Variants in WRN observed in about 807,000 individuals in gnomAD.
The protein encoded by WRN is WRN RecQ like helicase, also known as bifunctional 3'-5' exonuclease/ATP-dependent helicase WRN.
Under a neutral mutation model 180.7 loss-of-function variants are expected in WRN, and 149 were observed. The observed-to-expected ratio is 0.82, with a 90% CI of 0.72 to 0.94. The LOEUF (loss-of-function observed/expected upper bound fraction) is 0.94, where lower values mean the gene tolerates loss of function less well. Among genes scored for constraint, WRN ranks in the 40% least tolerant of loss-of-function variants. WRN has a pLI of 0.00. For missense variants in WRN, 1,661 were observed against 1,700.1 expected, an observed-to-expected ratio of 0.98 and a Z score of 0.40; for synonymous variants, 548 against 568.9, an observed-to-expected ratio of 0.96 and a Z score of 0.52.
chr8:31,156,961 C>T (rs1272119227), intron 32 of WRN, among the ~76,000 whole-genome samples: 1 of 152,158 alleles, frequency 6.6e-6, no homozygotes, highest in Non-Finnish European at 1.5e-5. Flanking sequence ...CTTGGAAATT[C>T]ATGTAACCAA....
At chr8:31,067,221 T>C in intron 6 of WRN, 39 bp downstream of exon 6, 1 of 1,609,158 alleles carries the variant, frequency 6.2e-7, no homozygotes, top group Non-Finnish European at 8.5e-7. Flanking sequence ...TGATGTGTTT[T>C]AAAAACATTA....
At chr8:31,070,206 T>C (rs1384530382) in intron 7 of WRN, among the ~76,000 whole-genome samples, 2 of 151,748 alleles carry the variant, frequency 1.3e-5, no homozygotes, top group Admixed American at 1.3e-4. Flanking sequence ...AAGATTACCA[T>C]CTTTTTTTCC....
Position 31,155,431 on chromosome 8 carries a change from G to A in WRN, c.3819+676G>A, listed in dbSNP as rs1585534206. Among the ~76,000 whole-genome samples, 3 of 152,042 alleles carry A rather than the reference G, an allele frequency of 2.0e-5. No homozygotes were observed. In the South Asian group the frequency reaches 6.2e-4, roughly 32 times the overall value. ...TGAGGCCAGGGATTTGAGACCAGTTGGACAACATAGGGAGACCCTGTCTTT... is the reference window on the plus strand; with the variant it reads ...TGAGGCCAGGGATTTGAGACCAGTTAGACAACATAGGGAGACCCTGTCTTT... On this transcript the variant is annotated intron_variant, in intron 32 of 34. Coordinates refer to ENST00000298139, the MANE Select transcript of WRN (RefSeq NM_000553.6).
chr8:31,102,030 A>C (rs1284282509), intron 18 of WRN, among the ~76,000 whole-genome samples: 1 of 152,096 alleles, frequency 6.6e-6, no homozygotes, highest in Non-Finnish European at 1.5e-5. Flanking sequence ...AAAACTAGGA[A>C]TATGACATTT....
intron 19 of WRN, among the ~76,000 whole-genome samples, chr8:31,114,576 A>G (rs1801440194): frequency 6.6e-6 from 1 of 152,204 alleles, no homozygotes. Flanking sequence ...TTGCATATAA[A>G]TTGAAAAGGA....
chr8:31,112,114 G>A lies in WRN; in HGVS notation c.2273+315G>A, dbSNP rs11574292. Among the ~76,000 whole-genome samples, 23 of 151,908 alleles carry A rather than the reference G, an allele frequency of 1.5e-4. No individual in the cohort carries two copies. In the East Asian group the frequency reaches 2.1e-3, roughly 14 times the overall value. ...TTTATAGAGACAGGGTCTCTCTGTC[G>A]TCCAGGCTGGAGTGCAGTGGTGTGA... On this transcript the variant is annotated intron_variant, in intron 19 of 34. Transcript: ENST00000298139.
In WRN at chr8:31,067,130, G is replaced by GT; in HGVS notation, c.603dup (p.Lys202Ter). On this transcript the variant is annotated frameshift_variant, in exon 6 of 35. Transcript: ENST00000298139. LOFTEE classifies it high-confidence loss of function. Reference sequence around the variant, plus strand: ...AAGTCTATCCGCTGTAGCAATTGGAGTAAATTTCCTCTCACTGAGGACCAG... The same window carrying GT: ...AAGTCTATCCGCTGTAGCAATTGGAGTTAAATTTCCTCTCACTGAGGACCAG... 2 of 1,613,910 alleles carry GT rather than the reference G, an allele frequency of 1.2e-6. No individual in the cohort carries two copies. Among genetic ancestry groups the GT allele is most frequent in the Non-Finnish European group, 1.7e-6 (2 of 1,179,942 alleles).
chr8:31,142,845 G>A, intron 27 of WRN, 144 bp downstream of exon 27: 1 of 623,752 alleles, frequency 1.6e-6, no homozygotes, highest in East Asian at 3.0e-5. Flanking sequence ...GAAGTGATGT[G>A]AACAGACTAA....
intron 31 of WRN, among the ~76,000 whole-genome samples, chr8:31,152,202 C>T (rs919623375): frequency 1.3e-5 from 2 of 151,740 alleles, no homozygotes; most frequent in Non-Finnish European, 1.5e-5. Flanking sequence ...GTGATCAAAT[C>T]GTATTCTAGT....
intron 23 of WRN, among the ~76,000 whole-genome samples, chr8:31,130,149 C>T (rs933550962): frequency 2.1e-5 from 3 of 145,654 alleles, no homozygotes; most frequent in Non-Finnish European, 4.5e-5. Context: ...ATAACGAGAC[C>T]GCATCTCTAC....
chr8:31,060,948 G>A (rs1245209227), intron 3 of WRN, among the ~76,000 whole-genome samples: 3 of 152,156 alleles, frequency 2.0e-5, no homozygotes, highest in Non-Finnish European at 4.4e-5. Flanking sequence ...TGTGTAATGT[G>A]GTTGGTGTTT....
intron 21 of WRN, 115 bp downstream of exon 21, chr8:31,120,539 A>T: frequency 1.1e-6 from 1 of 931,052 alleles, no homozygotes; most frequent in Non-Finnish European, 1.5e-6. Flanking sequence ...GTGCATTTAA[A>T]GTAAAAAAAA....
In WRN at chr8:31,172,835, A is replaced by T. The variant is rs533670251; in HGVS notation, c.4192-160A>T. Among the ~76,000 whole-genome samples the T allele has an allele frequency of 1.1e-4, 16 of 152,288 alleles. 1 individual carries two copies. The South Asian group carries it at 3.3e-3, about 32-fold the overall frequency. On this transcript the variant is annotated intron_variant, in intron 34 of 34. Coordinates refer to ENST00000298139, the MANE Select transcript of WRN (RefSeq NM_000553.6). ...GATTTTGTGTGTCTTATATTTATTT[A>T]CTTTTTGATCCAGAAATAAATTATA...
chr8:31,156,425 A>C (rs563296359), intron 32 of WRN, among the ~76,000 whole-genome samples: 1 of 152,354 alleles, frequency 6.6e-6, no homozygotes, highest in East Asian at 1.9e-4. Flanking sequence ...CTAATTAATC[A>C]GGAGCAATAC....
chr8:31,107,531 G>A (rs542835840), intron 18 of WRN, among the ~76,000 whole-genome samples: 3 of 152,188 alleles, frequency 2.0e-5, no homozygotes, highest in East Asian at 3.9e-4. Flanking sequence ...CTGAGAAAAC[G>A]TTTTTCCCCT....
intron 19 of WRN, among the ~76,000 whole-genome samples, chr8:31,112,511 C>A (rs1554526904): frequency 6.6e-6 from 1 of 152,092 alleles, no homozygotes; most frequent in Non-Finnish European, 1.5e-5. Context: ...GTACTTTTTT[C>A]TGTTTATTTT....
At chr8:31,151,922 G>T (rs1401083691) in intron 31 of WRN, among the ~76,000 whole-genome samples, 4 of 151,306 alleles carry the variant, frequency 2.6e-5, no homozygotes, top group Non-Finnish European at 5.9e-5. Context: ...AAATTTTGAA[G>T]TAAAATTTCT....
At chr8:31,155,981 C>T (rs1803370326) in intron 32 of WRN, among the ~76,000 whole-genome samples, 1 of 152,110 alleles carries the variant, frequency 6.6e-6, no homozygotes, top group African/African-American at 2.4e-5. Flanking sequence ...TCTTAAAGTT[C>T]CTTACAAAGG....
Position 31,100,875 on chromosome 8 carries a change from G to A in WRN, c.2008G>A (p.Ala670Thr). 3 of 1,613,848 alleles carry A rather than the reference G, an allele frequency of 1.9e-6. No individual in the cohort carries two copies. Among genetic ancestry groups the A allele is most frequent in the East Asian group, 2.2e-5 (1 of 44,852 alleles). The change falls in exon 18 of 35, where the codon GCT (alanine) becomes ACT (threonine). Residue 670 changes from alanine (A) to threonine (T), a missense_variant. Around this residue, in one of 3 missense-constraint regions of WRN, gnomAD observed 1,141 missense variants for 1,149.4 expected, o/e 0.99. Coordinates refer to ENST00000298139, the MANE Select transcript of WRN (RefSeq NM_000553.6). The stretch of plus-strand genomic sequence containing the variant: ...TATCACGCTCATTGCTGTGGATGAG[G>A]CTCACTGTATTTCTGAGTGGGGGCA... ...IGITLIAVDE[A>T]HCISEWGHDF...
Sources: gnomAD v4.1 joint callset for allele counts (sites outside exome capture counted in the v4.1 genomes callset) on GRCh38, gnomAD v4.1.1 for gene constraint, gnomAD v4.1.1 regional missense constraint, MANE v1.5 for transcripts, NCBI Gene and HGNC (gene_info 2026-07-23, HGNC 2026-07-21) for gene names.